Variants in CEP112 observed in about 807,000 individuals in gnomAD.
The protein encoded by CEP112 is centrosomal protein 112.
Under a neutral mutation model 153.0 loss-of-function variants are expected in CEP112, and 127 were observed. The ratio of observed to expected loss-of-function variants is 0.83; its 90% CI spans 0.72 to 0.96. The LOEUF (loss-of-function observed/expected upper bound fraction) is 0.96, where lower values mean the gene tolerates loss of function less well. Ranked by LOEUF, CEP112 falls within the 40% of genes least tolerant of loss-of-function variation. CEP112 has a pLI of 0.00. For synonymous variants in CEP112, 358 were observed against 374.4 expected (o/e 0.96, Z 0.51); for missense variants, 1,089 against 1,101.2 (o/e 0.99, Z 0.16).
At chr17:65,946,126 G>T (rs1335379513) in intron 18 of CEP112, among the ~76,000 whole-genome samples, 1 of 152,110 alleles carries the variant, frequency 6.6e-6, no homozygotes, top group Non-Finnish European at 1.5e-5. Context: ...CCCCAACCTG[G>T]AGTGCCCTTT....
At chr17:65,959,454 G>A (rs1407663720) in intron 18 of CEP112, among the ~76,000 whole-genome samples, 2 of 152,160 alleles carry the variant, frequency 1.3e-5, no homozygotes, top group Admixed American at 6.5e-5. Flanking sequence ...AGGACCTGTC[G>A]AATGGCAGGG....
intron 24 of CEP112, among the ~76,000 whole-genome samples, chr17:65,652,292 C>T (rs36109428): frequency 6.6e-6 from 1 of 151,968 alleles, no homozygotes; most frequent in East Asian, 1.9e-4. Context: ...AGTTGTGCCC[C>T]TAATCTGTGT....
chr17:66,092,526 G>A (rs1476283479), intron 8 of CEP112, among the ~76,000 whole-genome samples: 1 of 151,850 alleles, frequency 6.6e-6, no homozygotes, highest in Non-Finnish European at 1.5e-5. Context: ...ATATTATGAG[G>A]CCAACTTTAC....
rs555247945 is a variant in CEP112, at chr17:65,971,392, T to C, written c.1737-9794A>G. Among the ~76,000 whole-genome samples the C allele has an allele frequency of 1.2e-4, 8 of 67,800 alleles. No homozygotes were observed. The South Asian group carries it at 5.8e-3, about 49-fold the overall frequency. 44.5% of individuals were successfully genotyped at this position (67,800 alleles called of 152,430 possible). On this transcript the variant is annotated intron_variant, in intron 17 of 26. Transcript: ENST00000535342. ...CGCATGTATGTACATTGCATGTATA[T>C]AGCATGTATATTGCACCCATGCAGC... is the stretch of plus-strand genomic sequence containing the variant.
chr17:66,076,191 C>A (rs189080057), intron 8 of CEP112, among the ~76,000 whole-genome samples: 1 of 152,012 alleles, frequency 6.6e-6, no homozygotes, highest in Non-Finnish European at 1.5e-5. Context: ...TTGAACTGGG[C>A]GAGAAGGCTC....
At chr17:66,140,164 G>A (rs1028239794) in intron 4 of CEP112, among the ~76,000 whole-genome samples, 1 of 152,126 alleles carries the variant, frequency 6.6e-6, no homozygotes, top group African/African-American at 2.4e-5. Context: ...TTAACAGAAT[G>A]AAGAATAGAG....
chr17:66,024,344 A>G (rs897395810), intron 16 of CEP112, among the ~76,000 whole-genome samples: 1 of 152,144 alleles, frequency 6.6e-6, no homozygotes, highest in South Asian at 2.1e-4. Context: ...AAAAGAAATA[A>G]AAGCCATCCA....
chr17:65,977,026 C>A (rs895532300), intron 17 of CEP112, among the ~76,000 whole-genome samples: 1 of 152,138 alleles, frequency 6.6e-6, no homozygotes, highest in Admixed American at 6.6e-5. Context: ...GAGTGAGCCA[C>A]CAGGCCCGGC....
At chr17:65,661,505 G>A (rs552732897) in intron 24 of CEP112, among the ~76,000 whole-genome samples, 2 of 152,188 alleles carry the variant, frequency 1.3e-5, no homozygotes, top group South Asian at 4.2e-4. Context: ...ACCTGTACAA[G>A]GTCTTCCTTA....
At chr17:65,845,471 C>A (rs1176186850) in intron 21 of CEP112, among the ~76,000 whole-genome samples, 1 of 152,138 alleles carries the variant, frequency 6.6e-6, no homozygotes, top group African/African-American at 2.4e-5. Flanking sequence ...TTAGTTTGAT[C>A]TTGGGCAGCT....
chr17:66,116,216 A>C (rs2069284648), intron 6 of CEP112, among the ~76,000 whole-genome samples: 1 of 152,182 alleles, frequency 6.6e-6, no homozygotes, highest in Non-Finnish European at 1.5e-5. Context: ...GCTTACCTAT[A>C]ATTGTGAGAG....
chr17:65,967,877 TTAAAGA>T (rs3055945), intron 17 of CEP112, among the ~76,000 whole-genome samples: 62,684 of 151,736 alleles, frequency 0.41, 14,314 homozygotes, highest in East Asian at 0.87. Flanking sequence ...AAAATTATCC[TTAAAGA>T]TAAAGCAGTC....
At chr17:65,869,652 T>C (rs1335701703) in intron 20 of CEP112, among the ~76,000 whole-genome samples, 1 of 149,662 alleles carries the variant, frequency 6.7e-6, no homozygotes, top group Non-Finnish European at 1.5e-5. Flanking sequence ...TGATCTCTGC[T>C]CACTGCAAGC....
In CEP112 at chr17:65,900,202, A is replaced by G. The variant is rs184185070; in HGVS notation, c.2163+1950T>C. Among the ~76,000 whole-genome samples, 1,134 of 152,350 alleles carry G rather than the reference A, an allele frequency of 7.4e-3. 6 individuals are homozygous for G. The highest frequency in any genetic ancestry group is 0.011 in the Non-Finnish European group (773 of 68,038). On this transcript the variant is annotated intron_variant, in intron 20 of 26. Transcript: ENST00000535342. ...GTATTCTCTAAGAACGACTAAGTAC[A>G]ACATACACAAAATTATTTTCCTTTT...
At chr17:65,811,275 C>T (rs2055932996) in intron 21 of CEP112, among the ~76,000 whole-genome samples, 2 of 152,078 alleles carry the variant, frequency 1.3e-5, no homozygotes, top group Non-Finnish European at 2.9e-5. Context: ...GAAGTGGTTA[C>T]TCTGATGGAC....
chr17:65,870,071 AAGAAAG>A (rs1318826677), intron 20 of CEP112, among the ~76,000 whole-genome samples: 1 of 151,642 alleles, frequency 6.6e-6, no homozygotes, highest in African/African-American at 2.4e-5. Context: ...GAAAGAAAGA[AAGAAAG>A]AAAGAAAAGA....
chr17:65,729,693 C>T lies in CEP112; in HGVS notation c.2607+13375G>A, dbSNP rs116619383. ...CCAAAGTACTTCATTTTGGACCATG[C>T]AATAATACAATTAACCACCAGCCTG... On this transcript the variant is annotated intron_variant, in intron 23 of 26. Coordinates refer to ENST00000535342, the MANE Select transcript of CEP112 (RefSeq NM_001199165.4). Among the ~76,000 whole-genome samples, 833 of 152,198 alleles carry T rather than the reference C, an allele frequency of 5.5e-3. 7 individuals are homozygous for T. The highest frequency in any genetic ancestry group is 0.019 in the African/African-American group (788 of 41,538).
intron 6 of CEP112, among the ~76,000 whole-genome samples, chr17:66,124,874 C>T (rs1312900914): frequency 1.3e-5 from 2 of 152,102 alleles, no homozygotes. Context: ...TGTGGGAGAA[C>T]CTGGCTGTAA....
intron 21 of CEP112, among the ~76,000 whole-genome samples, chr17:65,751,571 C>G (rs113227617): frequency 4.0e-4 from 61 of 152,114 alleles, no homozygotes; most frequent in Admixed American, 1.1e-3. Context: ...TCTCTCTGTA[C>G]GTCTGTTTCT....
Sources: gnomAD v4.1 joint callset for allele counts (sites outside exome capture counted in the v4.1 genomes callset) on GRCh38, gnomAD v4.1.1 for gene constraint, MANE v1.5 for transcripts, NCBI Gene and HGNC (gene_info 2026-07-23, HGNC 2026-07-21) for gene names.